ASTN2: variants seen among roughly 807,000 people sequenced by gnomAD.
ASTN2 encodes the protein astrotactin 2, also known as astrotactin-2.
ASTN2 carries 54 observed loss-of-function variants against 139.8 expected under a neutral mutation model. The ratio of observed to expected loss-of-function variants is 0.39; its 90% CI spans 0.31 to 0.48. The LOEUF (loss-of-function observed/expected upper bound fraction) is 0.48, where lower values mean the gene tolerates loss of function less well. Ranked by LOEUF, ASTN2 falls within the 20% of genes least tolerant of loss-of-function variation. The pLI is 0.95. For missense variants in ASTN2, 1,565 were observed against 1,725.1 expected (o/e 0.91, Z 1.64); for synonymous variants, 756 against 719.5 (o/e 1.05, Z -0.81).
chr9:116,564,719 T>C (rs1853095456), intron 19 of ASTN2, among the ~76,000 whole-genome samples: 1 of 152,240 alleles, frequency 6.6e-6, no homozygotes, highest in Non-Finnish European at 1.5e-5. Context: ...TCTTCTTTCC[T>C]TCATTACTTC....
chr9:116,970,504 A>T (rs1022209124), intron 10 of ASTN2, among the ~76,000 whole-genome samples: 10 of 152,062 alleles, frequency 6.6e-5, no homozygotes. Flanking sequence ...CTTTCCCTCT[A>T]TTCTTCTTCA....
intron 2 of ASTN2, chr9:117,276,845 A>T (rs527322261): frequency 5.3e-5 from 8 of 152,340 alleles, no homozygotes; most frequent in Admixed American, 2.0e-4. Flanking sequence ...ATTTCACTTG[A>T]TGTACCACAA....
chr9:116,840,408 G>T (rs1263121243), intron 11 of ASTN2, among the ~76,000 whole-genome samples: 1 of 150,674 alleles, frequency 6.6e-6, no homozygotes, highest in Non-Finnish European at 1.5e-5. Flanking sequence ...TCCCAGACGG[G>T]GTGGTGGCCA....
chr9:116,928,398 A>C (rs1834816468), intron 10 of ASTN2, among the ~76,000 whole-genome samples: 1 of 151,828 alleles, frequency 6.6e-6, no homozygotes. Context: ...AAAAAATTCC[A>C]CATATAGATT....
chr9:116,613,409 C>A (rs1855658191), intron 19 of ASTN2: 1 of 152,132 alleles, frequency 6.6e-6, no homozygotes, highest in Non-Finnish European at 1.5e-5. Flanking sequence ...CAAAGCCTGG[C>A]AGAGACACAA....
At chr9:117,395,085 A>G (rs1262427296) in intron 1 of ASTN2, among the ~76,000 whole-genome samples, 2 of 152,160 alleles carry the variant, frequency 1.3e-5, no homozygotes, top group Admixed American at 6.5e-5. Context: ...CAAGAATGGC[A>G]TCTAAAAGTC....
chr9:117,150,987 C>T (rs562029069), intron 3 of ASTN2, among the ~76,000 whole-genome samples: 1 of 152,174 alleles, frequency 6.6e-6, no homozygotes, highest in East Asian at 1.9e-4. Context: ...GGGTGTGAGC[C>T]ACCACACCTA....
At chr9:116,930,288 G>A (rs1043051289) in intron 10 of ASTN2, among the ~76,000 whole-genome samples, 1 of 152,176 alleles carries the variant, frequency 6.6e-6, no homozygotes, top group African/African-American at 2.4e-5. Context: ...ATAAGGAGGT[G>A]CCTATTGAGC....
chr9:117,179,629 C>A (rs1831006666), intron 3 of ASTN2, among the ~76,000 whole-genome samples: 4 of 152,136 alleles, frequency 2.6e-5, no homozygotes, highest in Admixed American at 2.6e-4. Context: ...CTTCTCTTAC[C>A]TTTGATAAAT....
chr9:116,781,092 G>T (rs1830208270), intron 13 of ASTN2, among the ~76,000 whole-genome samples: 1 of 151,974 alleles, frequency 6.6e-6, no homozygotes, highest in Admixed American at 6.6e-5. Flanking sequence ...CGCCCACCTC[G>T]GCCTCCCAAA....
intron 12 of ASTN2, among the ~76,000 whole-genome samples, chr9:116,808,013 C>T (rs998800656): frequency 9.2e-5 from 14 of 151,434 alleles, no homozygotes; most frequent in Admixed American, 3.9e-4. Flanking sequence ...ACTCAGGAGG[C>T]GGAGGCAGGA....
At chr9:117,213,677 G>T (rs1199862590) in intron 3 of ASTN2, among the ~76,000 whole-genome samples, 1 of 152,142 alleles carries the variant, frequency 6.6e-6, no homozygotes, top group Non-Finnish European at 1.5e-5. Flanking sequence ...ATAACAGTTG[G>T]CAAGAAGGAG....
intron 19 of ASTN2, among the ~76,000 whole-genome samples, chr9:116,515,012 C>G (rs1032802806): frequency 8.5e-5 from 13 of 152,150 alleles, no homozygotes; most frequent in African/African-American, 3.1e-4. Context: ...CCTGCACCCA[C>G]TGTCCAACAA....
At chr9:116,908,179 A>G (rs1834216505) in intron 10 of ASTN2, among the ~76,000 whole-genome samples, 1 of 152,168 alleles carries the variant, frequency 6.6e-6, no homozygotes, top group South Asian at 2.1e-4. Flanking sequence ...AACAAATTTG[A>G]GTCAACATTT....
intron 4 of ASTN2, among the ~76,000 whole-genome samples, chr9:117,102,538 T>C (rs79706741): frequency 1.3e-5 from 2 of 152,170 alleles, no homozygotes; most frequent in African/African-American, 2.4e-5. Context: ...ATTATTATTA[T>C]TGAGACAGAG....
At chr9:116,527,446 A>C (rs932611532) in intron 19 of ASTN2, among the ~76,000 whole-genome samples, 1 of 152,232 alleles carries the variant, frequency 6.6e-6, no homozygotes, top group East Asian at 1.9e-4. Context: ...ACTAACCACC[A>C]GATAAATGAA....
intron 7 of ASTN2, among the ~76,000 whole-genome samples, chr9:117,003,530 GGT>G (rs11271769): frequency 9.7e-6 from 1 of 103,180 alleles, no homozygotes; most frequent in African/African-American, 3.6e-5. Flanking sequence ...TCTAAAGAGT[GGT>G]GTGTGTGTGT....
At chr9:116,899,488 C>G (rs1406534767) in intron 10 of ASTN2, among the ~76,000 whole-genome samples, 1 of 152,134 alleles carries the variant, frequency 6.6e-6, no homozygotes, top group African/African-American at 2.4e-5. Flanking sequence ...CATGAACCAT[C>G]CTTTGCAAAA....
intron 13 of ASTN2, 71 bp downstream of exon 13, chr9:116,805,561 T>C (rs1831008164): frequency 1.1e-5 from 16 of 1,461,010 alleles, no homozygotes; most frequent in Non-Finnish European, 1.5e-5. Context: ...ATTGTGCCCA[T>C]GGCTTCCTCC....
Sources: gnomAD v4.1 joint callset for allele counts (sites outside exome capture counted in the v4.1 genomes callset) on GRCh38, gnomAD v4.1.1 for gene constraint, MANE v1.5 for transcripts, NCBI Gene and HGNC (gene_info 2026-07-23, HGNC 2026-07-21) for gene names.